CEP85L: variants seen among roughly 807,000 people sequenced by gnomAD.
CEP85L encodes centrosomal protein 85L.
CEP85L carries 60 observed loss-of-function variants against 100.3 expected under a neutral mutation model. The observed-to-expected ratio is 0.60, with a 90% CI of 0.49 to 0.74. CEP85L has a LOEUF of 0.74. Among genes scored for constraint, CEP85L ranks in the 30% least tolerant of loss-of-function variants. The pLI is 0.00. For missense variants in CEP85L, 973 were observed against 936.2 expected, an observed-to-expected ratio of 1.04 and a Z score of -0.51; for synonymous variants, 319 against 322.7, an observed-to-expected ratio of 0.99 and a Z score of 0.12.
chr6:118,517,601 T>C (rs1582958568), intron 4 of CEP85L, among the ~76,000 whole-genome samples: 1 of 152,260 alleles, frequency 6.6e-6, no homozygotes, highest in Admixed American at 6.5e-5. Context: ...TCCTGAGACT[T>C]TGCTAAAGTT....
chr6:118,521,524 A>G (rs1459117109), intron 4 of CEP85L, among the ~76,000 whole-genome samples: 1 of 152,206 alleles, frequency 6.6e-6, no homozygotes, highest in Non-Finnish European at 1.5e-5. Context: ...CCCTTCCTAT[A>G]TTACTAATGC....
At chr6:118,631,853 G>T (rs931138366) in intron 2 of CEP85L, among the ~76,000 whole-genome samples, 1 of 152,212 alleles carries the variant, frequency 6.6e-6, no homozygotes, top group African/African-American at 2.4e-5. Context: ...ATGTGGAAAT[G>T]TTCTGAATCT....
chr6:118,704,070 T>C (rs578041422), intron 1 of CEP85L, among the ~76,000 whole-genome samples: 3 of 152,266 alleles, frequency 2.0e-5, no homozygotes, highest in Admixed American at 6.5e-5. Context: ...ATACCTGCCA[T>C]GTAATATAAA....
chr6:118,518,943 T>C (rs1256128413), intron 4 of CEP85L, among the ~76,000 whole-genome samples: 1 of 152,230 alleles, frequency 6.6e-6, no homozygotes, highest in South Asian at 2.1e-4. Flanking sequence ...TTTGTTCTCA[T>C]TGGTTTCAAA....
rs1455674923 is a variant in CEP85L at position 118,651,265 on chromosome 6, C to A, written c.5G>T (p.Trp2Leu). 2.0e-6 allele frequency: 3 copies of A among 1,490,408 alleles called. No homozygotes were observed. In the South Asian group the frequency reaches 3.8e-5, roughly 19 times the overall value. 92.3% of individuals were successfully genotyped at this position (1,490,408 alleles called of 1,614,324 possible). A position where few individuals can be genotyped will look rare whatever the true frequency, so the allele number is the denominator to read the frequency against. Residue 2 changes from tryptophan (W) to leucine (L), a missense_variant, in exon 1 of 13, where the codon TGG becomes TTG. Physicochemically the swap from Trp to Leu is moderately conservative, Grantham distance 61 (BLOSUM62 -2). Coordinates refer to ENST00000368491, the MANE Select transcript of CEP85L (RefSeq NM_001042475.3). Reference sequence around the variant, plus strand: ...GGCCTCCGGAGCCAGGAAGCGCCCCCACATCGCGGGCGAGAGGGCCGGGTG... The same window carrying A: ...GGCCTCCGGAGCCAGGAAGCGCCCCAACATCGCGGGCGAGAGGGCCGGGTG... M[W>L]GRFLAPEASG... is the part of the protein sequence containing the mutation.
chr6:118,603,335 T>C (rs764724885), intron 2 of CEP85L, among the ~76,000 whole-genome samples: 1 of 152,216 alleles, frequency 6.6e-6, no homozygotes, highest in Admixed American at 6.5e-5. Context: ...GGGACTTTAA[T>C]TGGCTCTGTA....
intron 2 of CEP85L, among the ~76,000 whole-genome samples, chr6:118,614,378 A>T (rs1277780446): frequency 6.6e-6 from 1 of 152,192 alleles, no homozygotes; most frequent in East Asian, 1.9e-4. Context: ...TCTTCTAGTC[A>T]CTGCAGTAAG....
intron 8 of CEP85L, among the ~76,000 whole-genome samples, 155 bp from the exon 9 acceptor site, chr6:118,480,668 T>C (rs573349761): frequency 6.6e-6 from 1 of 152,252 alleles, no homozygotes; most frequent in Non-Finnish European, 1.5e-5. Flanking sequence ...CTGTTATCTA[T>C]AGTTCATAAC....
At chr6:118,571,885 T>C (rs1424159760) in intron 2 of CEP85L, among the ~76,000 whole-genome samples, 1 of 152,108 alleles carries the variant, frequency 6.6e-6, no homozygotes, top group Non-Finnish European at 1.5e-5. Flanking sequence ...GGAGACAGTT[T>C]TGCTCTTGTT....
intron 2 of CEP85L, chr6:118,589,009 G>A (rs1327647688): frequency 3.4e-5 from 8 of 237,726 alleles, no homozygotes; most frequent in Non-Finnish European, 4.7e-5. Flanking sequence ...CCTCACTGCC[G>A]CTGCTGCTGT....
chr6:118,605,605 T>C lies in CEP85L; in HGVS notation c.232+26848A>G, dbSNP rs144082562. The stretch of plus-strand genomic sequence containing the variant: ...CCATGTGCTTTTAATTCCTGGGGTT[T>C]CATGAGGAAAAGAGGGTTTTTTCCC... On this transcript the variant is annotated intron_variant, in intron 2 of 12. Coordinates refer to ENST00000368491, the MANE Select transcript of CEP85L (RefSeq NM_001042475.3). Among the ~76,000 whole-genome samples the C allele has an allele frequency of 3.7e-3, 561 of 152,316 alleles. 3 individuals carry two copies. Among genetic ancestry groups the C allele is most frequent in the African/African-American group, 0.013 (535 of 41,562 alleles).
chr6:118,542,911 A>C (rs199800108), intron 3 of CEP85L, among the ~76,000 whole-genome samples: 2 of 147,138 alleles, frequency 1.4e-5, no homozygotes, highest in Non-Finnish European at 3.0e-5. Flanking sequence ...AAAAAAAAAA[A>C]AAAAAAAAAA....
intron 3 of CEP85L, among the ~76,000 whole-genome samples, chr6:118,535,982 C>T (rs963625043): frequency 1.2e-4 from 19 of 152,126 alleles, no homozygotes; most frequent in African/African-American, 4.6e-4. Flanking sequence ...GTAAATTATA[C>T]TTCAATTATC....
intron 1 of CEP85L, among the ~76,000 whole-genome samples, chr6:118,646,053 C>T (rs775750523): frequency 2.8e-4 from 42 of 152,044 alleles, no homozygotes; most frequent in Non-Finnish European, 4.9e-4. Context: ...CCTGTCTCTA[C>T]TAAAAATACG....
At chr6:118,575,933 T>C (rs948520737) in intron 2 of CEP85L, among the ~76,000 whole-genome samples, 2 of 152,048 alleles carry the variant, frequency 1.3e-5, no homozygotes, top group African/African-American at 2.4e-5. Flanking sequence ...AAGTATTTAC[T>C]AGTAATAGTA....
chr6:118,559,934 C>A (rs934098452), intron 3 of CEP85L: 2 of 167,010 alleles, frequency 1.2e-5, no homozygotes, highest in African/African-American at 4.8e-5. Flanking sequence ...GCTAGAGTTA[C>A]CTAGCTTACC....
intron 2 of CEP85L, among the ~76,000 whole-genome samples, chr6:118,623,198 A>G (rs1562317830): frequency 6.6e-6 from 1 of 152,226 alleles, no homozygotes; most frequent in Non-Finnish European, 1.5e-5. Context: ...GAGATGTGCC[A>G]AAGAAATAAT....
chr6:118,619,647 T>C (rs1217333173), intron 2 of CEP85L, among the ~76,000 whole-genome samples: 2 of 152,186 alleles, frequency 1.3e-5, no homozygotes, highest in African/African-American at 4.8e-5. Context: ...GAGGAGAATT[T>C]AGGCCCACCC....
intron 1 of CEP85L, among the ~76,000 whole-genome samples, chr6:118,647,281 T>C (rs952373243): frequency 6.6e-6 from 1 of 152,226 alleles, no homozygotes; most frequent in Non-Finnish European, 1.5e-5. Context: ...GCTCAAGTGT[T>C]TCCTGTAACA....
Sources: gnomAD v4.1 joint callset for allele counts (sites outside exome capture counted in the v4.1 genomes callset) on GRCh38, gnomAD v4.1.1 for gene constraint, MANE v1.5 for transcripts, NCBI Gene and HGNC (gene_info 2026-07-23, HGNC 2026-07-21) for gene names.